The following STAG1 variants were observed in gnomAD, a reference collection of about 807,000 sequenced individuals.
The protein encoded by STAG1 is cohesin subunit SA-1.
Under a neutral mutation model 170.9 loss-of-function variants are expected in STAG1, and 26 were observed. The ratio of observed to expected loss-of-function variants is 0.15; its 90% confidence interval spans 0.11 to 0.21. STAG1 has a LOEUF of 0.21. STAG1 is among the 10% of genes least tolerant of loss of function. The pLI, the probability that STAG1 is intolerant of heterozygous loss-of-function variation, is 1.00. For missense variants in STAG1, 964 were observed against 1,509.5 expected, an observed-to-expected ratio of 0.64 and a Z score of 5.99; for synonymous variants, 514 against 497.7, an observed-to-expected ratio of 1.03 and a Z score of -0.44.
At chr3:136,600,738 T>C (rs976840773) in intron 4 of STAG1, among the ~76,000 whole-genome samples, 2 of 152,170 alleles carry the variant, frequency 1.3e-5, no homozygotes, top group African/African-American at 4.8e-5. Flanking sequence ...TTTTACCATA[T>C]TGGCCAGGGT....
At chr3:136,730,911 A>G (rs1934005827) in intron 1 of STAG1, among the ~76,000 whole-genome samples, 1 of 152,216 alleles carries the variant, frequency 6.6e-6, no homozygotes, top group Non-Finnish European at 1.5e-5. Flanking sequence ...GAAGACCTGT[A>G]AAAACACAGA....
chr3:136,355,337 G>C (rs1399653808), intron 28 of STAG1, among the ~76,000 whole-genome samples: 1 of 112,310 alleles, frequency 8.9e-6, no homozygotes, highest in Non-Finnish European at 1.7e-5. Context: ...GGGTATCAGA[G>C]TGAGACTCCA....
chr3:136,374,969 A>C (rs1937522441), intron 23 of STAG1, among the ~76,000 whole-genome samples: 1 of 152,166 alleles, frequency 6.6e-6, no homozygotes, highest in Non-Finnish European at 1.5e-5. Flanking sequence ...TATAAATACC[A>C]GTTGTATTAT....
At chr3:136,591,916 G>A (rs1295889536) in intron 4 of STAG1, among the ~76,000 whole-genome samples, 1 of 152,078 alleles carries the variant, frequency 6.6e-6, no homozygotes, top group African/African-American at 2.4e-5. Context: ...TACCTTTGCT[G>A]AATTCAAGAG....
rs143098327 is a variant in STAG1, at chr3:136,747,462, G to A, written c.-84+4733C>T. On this transcript the variant is annotated intron_variant, in intron 1 of 33. Coordinates refer to ENST00000383202, the MANE Select transcript of STAG1 (RefSeq NM_005862.3). ...CCAGCACCTTGGGAGGCCAAGGCGG[G>A]CTGATTACTTGAGGCCAGTAGTTTG... is the stretch of plus-strand genomic sequence containing the variant. Among the ~76,000 whole-genome samples, 18 of 152,134 alleles carry A rather than the reference G, an allele frequency of 1.2e-4. No individual in the cohort carries two copies. In the East Asian group the frequency reaches 3.5e-3, roughly 30 times the overall value.
At chr3:136,702,170 TGTG>T (rs10575862) in intron 1 of STAG1, among the ~76,000 whole-genome samples, 95,131 of 148,538 alleles carry the variant, frequency 0.64, 32,983 homozygotes, top group African/African-American at 0.9. Context: ...AGAATGAGAA[TGTG>T]GTGTGTGTGT....
chr3:136,748,283 C>T (rs1172883342), intron 1 of STAG1, among the ~76,000 whole-genome samples: 3 of 151,968 alleles, frequency 2.0e-5, no homozygotes, highest in African/African-American at 7.2e-5. Context: ...TGCCTACAGT[C>T]CCAGCTACTC....
intron 4 of STAG1, among the ~76,000 whole-genome samples, chr3:136,587,855 G>A (rs76748387): frequency 3.3e-5 from 5 of 152,064 alleles, no homozygotes; most frequent in East Asian, 3.9e-4. Context: ...CCTGCTCCTC[G>A]CAAGGCTGAG....
chr3:136,595,437 T>G (rs1254851331), intron 4 of STAG1, among the ~76,000 whole-genome samples: 2 of 152,064 alleles, frequency 1.3e-5, no homozygotes, highest in Non-Finnish European at 2.9e-5. Flanking sequence ...TCTATAAATT[T>G]GAACTTTCTA....
At chr3:136,723,470 G>A (rs1256494181) in intron 1 of STAG1, among the ~76,000 whole-genome samples, 1 of 149,056 alleles carries the variant, frequency 6.7e-6, no homozygotes, top group Non-Finnish European at 1.5e-5. Flanking sequence ...CGCCCCATAT[G>A]AGAAGTGAGG....
intron 5 of STAG1, among the ~76,000 whole-genome samples, chr3:136,543,045 G>C (rs1935982206): frequency 6.6e-6 from 1 of 151,948 alleles, no homozygotes; most frequent in Non-Finnish European, 1.5e-5. Context: ...AGATCTATAG[G>C]ATATATTCAA....
chr3:136,362,309 T>A (rs896933512), intron 26 of STAG1, among the ~76,000 whole-genome samples: 1 of 152,052 alleles, frequency 6.6e-6, no homozygotes, highest in Non-Finnish European at 1.5e-5. Context: ...CTTGGAAAAG[T>A]GCCTTTTTCA....
At chr3:136,623,811 C>T (rs541562068) in intron 2 of STAG1, among the ~76,000 whole-genome samples, 7 of 151,986 alleles carry the variant, frequency 4.6e-5, no homozygotes, top group South Asian at 2.1e-4. Context: ...AAAAATCAGC[C>T]GGGCATGGTG....
At chr3:136,495,501 T>C (rs933371097) in intron 9 of STAG1, among the ~76,000 whole-genome samples, 3 of 152,116 alleles carry the variant, frequency 2.0e-5, no homozygotes, top group African/African-American at 7.2e-5. Context: ...AAAAAAGCTA[T>C]ACATCTGTTC....
intron 6 of STAG1, among the ~76,000 whole-genome samples, chr3:136,537,397 C>G: frequency 6.6e-6 from 1 of 151,970 alleles, no homozygotes; most frequent in South Asian, 2.1e-4. Context: ...AAGGAGCTGA[C>G]AGTAGAAATG....
chr3:136,453,241 CA>C (rs554056167), intron 13 of STAG1, among the ~76,000 whole-genome samples: 38 of 149,392 alleles, frequency 2.5e-4, no homozygotes, highest in East Asian at 7.8e-4. Flanking sequence ...TGAAATATGG[CA>C]AAAAAAAAGA....
intron 1 of STAG1, among the ~76,000 whole-genome samples, chr3:136,731,234 A>G (rs570803080): frequency 1.4e-4 from 21 of 152,250 alleles, no homozygotes; most frequent in Non-Finnish European, 2.8e-4. Context: ...ACCCACTACA[A>G]AACTTTACTA....
chr3:136,416,215 C>T (rs538569066), intron 21 of STAG1, among the ~76,000 whole-genome samples: 1 of 152,232 alleles, frequency 6.6e-6, no homozygotes, highest in South Asian at 2.1e-4. Context: ...GCCATATTGG[C>T]CAGGTTGGTC....
intron 9 of STAG1, among the ~76,000 whole-genome samples, chr3:136,493,766 T>C (rs964352359): frequency 6.8e-6 from 1 of 146,142 alleles, no homozygotes; most frequent in African/African-American, 2.5e-5. Context: ...TTTGAAAAGA[T>C]CAACAAAACA....
Sources: gnomAD v4.1 joint callset for allele counts (sites outside exome capture counted in the v4.1 genomes callset) on GRCh38, gnomAD v4.1.1 for gene constraint, MANE v1.5 for transcripts, NCBI Gene and HGNC (gene_info 2026-07-23, HGNC 2026-07-21) for gene names.